NPNT: variants seen among roughly 807,000 people sequenced by gnomAD.
The protein encoded by NPNT is nephronectin.
A neutral mutation model predicts 68.6 loss-of-function variants in NPNT; 45 were observed. The ratio of observed to expected loss-of-function variants is 0.66; its 90% CI spans 0.52 to 0.84. The LOEUF (loss-of-function observed/expected upper bound fraction) is 0.84. NPNT is among the 40% of genes least tolerant of loss of function. The pLI is 0.00. For synonymous variants in NPNT, 233 were observed against 253.3 expected (o/e 0.92, Z 0.76); for missense variants, 672 against 714.8 (o/e 0.94, Z 0.68).
chr4:105,928,783 A>C (rs1220687101), intron 3 of NPNT, among the ~76,000 whole-genome samples: 2 of 6,974 alleles, frequency 2.9e-4, no homozygotes, highest in Non-Finnish European at 4.0e-3. Flanking sequence ...TGAAATAATC[A>C]TATGGTGTCT....
intron 1 of NPNT, chr4:105,895,948 C>A (rs962239373): frequency 1.8e-6 from 1 of 545,668 alleles, no homozygotes; most frequent in Non-Finnish European, 3.2e-6. Context: ...CATCCGCGGC[C>A]CCCCGAGGGC....
chr4:105,913,130 G>A (rs1361656063), intron 2 of NPNT, among the ~76,000 whole-genome samples: 2 of 152,160 alleles, frequency 1.3e-5, no homozygotes, highest in East Asian at 3.9e-4. Flanking sequence ...GCCTCCCAAA[G>A]TGCTGGGATT....
rs1729854249 is a variant in NPNT at position 105,940,499 on chromosome 4, T to C, written c.641-15T>C. On this transcript the variant is annotated splice_polypyrimidine_tract_variant and intron_variant, in intron 6 of 11. Transcript: ENST00000379987. ...CTCCTAAATAAGTCTCTTCTTTTCC[T>C]ACTTTCTGATGCAGACATAGACGAA... 6.2e-7 allele frequency: 1 copy of C among 1,606,908 alleles called. No individual in the cohort carries two copies. The highest frequency in any genetic ancestry group is 8.5e-7 in the Non-Finnish European group (1 of 1,176,464).
intron 2 of NPNT, among the ~76,000 whole-genome samples, chr4:105,898,523 AT>A (rs1391143160): frequency 6.6e-6 from 1 of 152,140 alleles, no homozygotes; most frequent in Non-Finnish European, 1.5e-5. Flanking sequence ...AATCCTCACC[AT>A]AGCTGTTGTG....
chr4:105,942,200 G>C, intron 7 of NPNT, 107 bp from the exon 8 acceptor site: 1 of 825,050 alleles, frequency 1.2e-6, no homozygotes, highest in Non-Finnish European at 1.9e-6. Flanking sequence ...TTCTAAATGT[G>C]AAAAATGATA....
intron 3 of NPNT, among the ~76,000 whole-genome samples, chr4:105,930,948 T>A (rs1301179898): frequency 2.0e-5 from 3 of 152,212 alleles, no homozygotes; most frequent in Non-Finnish European, 4.4e-5. Context: ...CTGGATTTGT[T>A]ACACCTAGAA....
At chr4:105,942,972 G>T (rs1730107783) in intron 8 of NPNT, among the ~76,000 whole-genome samples, 1 of 152,224 alleles carries the variant, frequency 6.6e-6, no homozygotes. Flanking sequence ...GACATAGTTG[G>T]ATTTACTTGA....
intron 3 of NPNT, among the ~76,000 whole-genome samples, chr4:105,936,410 T>C (rs1312562323): frequency 6.7e-6 from 1 of 150,054 alleles, no homozygotes; most frequent in Non-Finnish European, 1.5e-5. Flanking sequence ...ATTTATTTCG[T>C]TCTTATCCTC....
chr4:105,925,776 A>G (rs149054526), intron 2 of NPNT, among the ~76,000 whole-genome samples: 23 of 152,170 alleles, frequency 1.5e-4, no homozygotes, highest in African/African-American at 5.5e-4. Flanking sequence ...GACCTAAACT[A>G]TTTCGCTGGC....
chr4:105,923,089 T>C lies in NPNT; in HGVS notation c.173-4247T>C, dbSNP rs937275746. Among the ~76,000 whole-genome samples the C allele has an allele frequency of 4.6e-5, 7 of 152,154 alleles. No homozygotes were observed. The South Asian group carries it at 1.5e-3, about 32-fold the overall frequency. The stretch of plus-strand genomic sequence containing the variant: ...ATTTTTGAAGACCACTGAAAATGGA[T>C]CATTTATACTTTTTTATTTTTTTGA... On this transcript the variant is annotated intron_variant, in intron 2 of 11. Transcript: ENST00000379987.
At chr4:105,906,071 G>A (rs926008761) in intron 2 of NPNT, among the ~76,000 whole-genome samples, 1 of 152,130 alleles carries the variant, frequency 6.6e-6, no homozygotes, top group East Asian at 1.9e-4. Flanking sequence ...GCTACATGGA[G>A]GAAAATGGGG....
intron 8 of NPNT, among the ~76,000 whole-genome samples, chr4:105,948,618 TTA>T (rs1215170185): frequency 6.6e-6 from 1 of 152,110 alleles, no homozygotes; most frequent in Non-Finnish European, 1.5e-5. Context: ...TTGCAACTTT[TTA>T]TGTGTGATGT....
chr4:105,950,598 C>T (rs1730747097), intron 8 of NPNT, among the ~76,000 whole-genome samples: 2 of 151,932 alleles, frequency 1.3e-5, no homozygotes, highest in Admixed American at 6.6e-5. Context: ...CCACCACACC[C>T]AGCTAATTTT....
At chr4:105,946,497 T>C (rs1238008558) in intron 8 of NPNT, among the ~76,000 whole-genome samples, 1 of 152,140 alleles carries the variant, frequency 6.6e-6, no homozygotes, top group Non-Finnish European at 1.5e-5. Context: ...TTTCCATAAG[T>C]GTCCGCTGGC....
At chr4:105,952,739 T>G (rs918611746) in intron 8 of NPNT, among the ~76,000 whole-genome samples, 4 of 152,212 alleles carry the variant, frequency 2.6e-5, no homozygotes, top group African/African-American at 9.6e-5. Context: ...TCTTTTGGCT[T>G]GAGTGCATTT....
chr4:105,956,067 T>C (rs1197697167), intron 8 of NPNT, among the ~76,000 whole-genome samples: 1 of 152,076 alleles, frequency 6.6e-6, no homozygotes, highest in African/African-American at 2.4e-5. Context: ...AACCATTTAA[T>C]TTAATATTAA....
rs1731455275 is a variant in NPNT, at chr4:105,958,880, G to T, written c.1247-148G>T. On this transcript the variant is annotated intron_variant, in intron 9 of 11. Coordinates refer to ENST00000379987, the MANE Select transcript of NPNT (RefSeq NM_001033047.3). ...ACTATTGTGCTGAGAAAAGATTAAT[G>T]TAATTTCCCTTTGGTCTTATGGAAA... The T allele has an allele frequency of 8.2e-6, 5 of 610,110 alleles. No individual in the cohort carries two copies. In the South Asian group the frequency reaches 1.1e-4, roughly 13 times the overall value. 37.8% of individuals were successfully genotyped at this position (610,110 alleles called of 1,614,324 possible). A position where few individuals can be genotyped will look rare whatever the true frequency, so the allele number is the denominator to read the frequency against.
intron 7 of NPNT, among the ~76,000 whole-genome samples, chr4:105,941,288 C>T (rs552438110): frequency 6.6e-6 from 1 of 152,154 alleles, no homozygotes; most frequent in South Asian, 2.1e-4. Context: ...CTGCCATGAG[C>T]CCAGTGAGCT....
chr4:105,963,031 C>A (rs1731853615), intron 10 of NPNT, among the ~76,000 whole-genome samples: 1 of 152,034 alleles, frequency 6.6e-6, no homozygotes, highest in Non-Finnish European at 1.5e-5. Context: ...TCAAGACCAG[C>A]CTGGCCAACA....
Sources: gnomAD v4.1 joint callset for allele counts (sites outside exome capture counted in the v4.1 genomes callset) on GRCh38, gnomAD v4.1.1 for gene constraint, MANE v1.5 for transcripts, NCBI Gene and HGNC (gene_info 2026-07-23, HGNC 2026-07-21) for gene names.